ACLY: variants seen among roughly 807,000 people sequenced by gnomAD.
ACLY encodes ATP-citrate synthase.
A neutral mutation model predicts 133.0 loss-of-function variants in ACLY; 41 were observed. The ratio of observed to expected loss-of-function variants is 0.31; its 90% confidence interval spans 0.24 to 0.40. The LOEUF (loss-of-function observed/expected upper bound fraction) is 0.40. Ranked by LOEUF, ACLY falls within the 10% of genes least tolerant of loss-of-function variation. The pLI is 1.00. For missense variants in ACLY, 1,046 were observed against 1,453.8 expected (o/e 0.72, Z 4.56); for synonymous variants, 495 against 549.3 (o/e 0.90, Z 1.38).
At chr17:41,905,756 A>G in intron 8 of ACLY, 98 bp from the exon 9 acceptor site, 1 of 1,484,060 alleles carries the variant, frequency 6.7e-7, no homozygotes, top group Non-Finnish European at 9.3e-7. Context: ...AAAACACTGG[A>G]GTTAGCCTGT....
intron 17 of ACLY, among the ~76,000 whole-genome samples, chr17:41,886,808 AAAAC>A (rs1222397664): frequency 3.9e-5 from 6 of 152,056 alleles, no homozygotes; most frequent in Non-Finnish European, 7.4e-5. Context: ...GCTTCTTAAA[AAAAC>A]AAACAAAAAA....
intron 17 of ACLY, among the ~76,000 whole-genome samples, chr17:41,887,163 A>G: frequency 7.0e-6 from 1 of 143,548 alleles, no homozygotes; most frequent in Non-Finnish European, 1.5e-5. Flanking sequence ...AAAAGGCCAA[A>G]CACGGTGGCT....
intron 10 of ACLY, among the ~76,000 whole-genome samples, chr17:41,903,477 G>A (rs563180138): frequency 4.6e-5 from 7 of 152,236 alleles, no homozygotes; most frequent in East Asian, 3.9e-4. Context: ...CAGGATGGCC[G>A]GGCACAGTGG....
rs1349751773 is a variant in ACLY at position 41,901,833 on chromosome 17, T to C, written c.1066-20A>G. The C allele has an allele frequency of 1.9e-5, 29 of 1,535,644 alleles. No individual in the cohort carries two copies. The highest frequency in any genetic ancestry group is 2.5e-5 in the Non-Finnish European group (28 of 1,133,346). On this transcript the variant is annotated intron_variant, in intron 10 of 28. Coordinates refer to ENST00000352035, the MANE Select transcript of ACLY (RefSeq NM_001096.3). The stretch of plus-strand genomic sequence containing the variant: ...GATGCCCTGGAAGCCCAAAGTGACA[T>C]GTGACTAAAAACAAGGCAGCCACAA...
chr17:41,922,425 T>A (rs1598056531), upstream of ACLY, among the ~76,000 whole-genome samples: 4 of 121,866 alleles, frequency 3.3e-5, no homozygotes, highest in South Asian at 2.9e-4. Context: ...CCACTGAACA[T>A]CAGCCTGGGT....
At chr17:41,906,331 C>T (rs533825207) in intron 8 of ACLY, among the ~76,000 whole-genome samples, 197 bp downstream of exon 8, 184 of 152,302 alleles carry the variant, frequency 1.2e-3, no homozygotes, top group African/African-American at 4.2e-3. Context: ...CATTTTGACA[C>T]AAACAAGAAG....
At chr17:41,884,563 C>T (rs549333110) in intron 18 of ACLY, among the ~76,000 whole-genome samples, 6 of 152,278 alleles carry the variant, frequency 3.9e-5, no homozygotes, top group Admixed American at 1.3e-4. Context: ...TTAGAAAGTA[C>T]GCCCTGGTGC....
At chr17:41,874,071 G>A (rs2048667464) in intron 22 of ACLY, 106 bp from the exon 23 acceptor site, 1 of 1,203,580 alleles carries the variant, frequency 8.3e-7, no homozygotes, top group Admixed American at 3.7e-5. Context: ...CCCCAGGAAT[G>A]TCGTAAACTC....
intron 8 of ACLY, among the ~76,000 whole-genome samples, chr17:41,906,136 T>G (rs1555632609): frequency 6.6e-6 from 1 of 152,148 alleles, no homozygotes; most frequent in Non-Finnish European, 1.5e-5. Context: ...GATCCTAATA[T>G]TCTATAAAGC....
Position 41,890,837 on chromosome 17 carries a change from C to CAAAAAAAAAAAA in ACLY, c.1770+1430_1770+1441dup, listed in dbSNP as rs34510712. Among the ~76,000 whole-genome samples, 6 of 73,188 alleles carry CAAAAAAAAAAAA rather than the reference C, an allele frequency of 8.2e-5. 2 individuals are homozygous for CAAAAAAAAAAAA. Among genetic ancestry groups the CAAAAAAAAAAAA allele is most frequent in the African/African-American group, 1.2e-4 (2 of 16,444 alleles). The allele number at this position is 73,188 out of a possible 152,430, so 48.0% of individuals were successfully genotyped here. ...CCAACATGGTGAAACCCCATCTGTA[C>CAAAAAAAAAAAA]AAAAAAAAAAAAAAAAAAAAAAGCC... On this transcript the variant is annotated intron_variant, in intron 16 of 28. Coordinates refer to ENST00000352035, the MANE Select transcript of ACLY (RefSeq NM_001096.3).
At chr17:41,920,746 C>T (rs782125013), upstream of ACLY, among the ~76,000 whole-genome samples, 7 of 152,000 alleles carry the variant, frequency 4.6e-5, no homozygotes, top group Non-Finnish European at 1.0e-4. Context: ...CCACCACCAC[C>T]ATCAAATCTC....
intron 9 of ACLY, 49 bp from the exon 10 acceptor site, chr17:41,904,839 G>A (rs782607530): frequency 6.4e-7 from 1 of 1,552,494 alleles, no homozygotes; most frequent in Non-Finnish European, 8.9e-7. Flanking sequence ...AGGTAGACTT[G>A]AGCATCTTCC....
At chr17:41,896,824 A>G (rs1212731397) in intron 13 of ACLY, among the ~76,000 whole-genome samples, 175 bp from the exon 14 acceptor site, 1 of 152,206 alleles carries the variant, frequency 6.6e-6, no homozygotes, top group Non-Finnish European at 1.5e-5. Context: ...AAGAGGTGAA[A>G]GCACCGATGA....
At chr17:41,879,612 A>T (rs1414254533) in intron 20 of ACLY, among the ~76,000 whole-genome samples, 1 of 109,118 alleles carries the variant, frequency 9.2e-6, no homozygotes, top group Non-Finnish European at 1.7e-5. Context: ...GCGCCACTGC[A>T]CTCCAGCCAG....
intron 18 of ACLY, among the ~76,000 whole-genome samples, chr17:41,885,745 A>G (rs1298942982): frequency 6.6e-6 from 1 of 152,216 alleles, no homozygotes; most frequent in East Asian, 1.9e-4. Context: ...TAACCGGACC[A>G]GGATGGCCCC....
intron 10 of ACLY, among the ~76,000 whole-genome samples, chr17:41,902,585 T>A (rs2049572549): frequency 6.6e-6 from 1 of 152,186 alleles, no homozygotes; most frequent in Non-Finnish European, 1.5e-5. Context: ...GTGTCCTAGT[T>A]CTGTTTCTCA....
At position 41,924,248 on chromosome 17, in the gene ACLY, G is replaced by A. The variant is rs532544858; in HGVS notation, c.-28+6110C>T. On this transcript the variant is annotated intron_variant, in intron 1 of 3. Coordinates refer to the ACLY transcript ENST00000592970. ...CAACCTCCGCCTCCTGGGTTCAAGT[G>A]ATTCTCCTGTCTCGCCCTCCCAAGT... Among the ~76,000 whole-genome samples, 146 of 152,096 alleles carry A rather than the reference G, an allele frequency of 9.6e-4. 1 individual carries two copies. Among genetic ancestry groups the A allele is most frequent in the Non-Finnish European group, 1.8e-3 (125 of 67,992 alleles).
intron 1 of ACLY, among the ~76,000 whole-genome samples, chr17:41,914,446 T>C (rs1221926758): frequency 6.6e-6 from 1 of 152,138 alleles, no homozygotes. Context: ...ACCGGGCCAA[T>C]GGCCAAGCCA....
rs1281001958 is a variant in ACLY at position 41,905,658 on chromosome 17, G to A, written c.867C>T (p.Ser289=). The change falls in exon 9 of 29, where the codon AGC becomes AGT. Residue 289 remains serine (S), a splice_region_variant and synonymous_variant. Transcript: ENST00000352035. The stretch of plus-strand genomic sequence containing the variant: ...CACCCCCTAGATCACAGATGGTATC[G>A]CTGCCAAGGAGACAGAAGTCAGTGA... The part of the protein sequence containing the change: ...VAGGGASVVY[S]DTICDLGGVN... The A allele has an allele frequency of 4.3e-6, 7 of 1,614,174 alleles. No individual in the cohort carries two copies. Among genetic ancestry groups the A allele is most frequent in the Admixed American group, 1.7e-5 (1 of 60,026 alleles).
Sources: allele counts gnomAD v4.1 joint callset (sites outside exome capture counted in the v4.1 genomes callset), GRCh38; gene constraint gnomAD v4.1.1; transcripts MANE v1.5; gene names NCBI Gene and HGNC (gene_info 2026-07-23, HGNC 2026-07-21).